OSBPL9: variants seen among roughly 807,000 people sequenced by gnomAD.
OSBPL9 encodes oxysterol-binding protein-related protein 9.
In OSBPL9, 40 loss-of-function variants were observed where a neutral mutation model predicts 106.6. That is an observed-to-expected ratio of 0.38 (90% confidence interval 0.29 to 0.49). The LOEUF (loss-of-function observed/expected upper bound fraction) is 0.49. Ranked by LOEUF, OSBPL9 falls within the 20% of genes least tolerant of loss-of-function variation. The probability of loss-of-function intolerance (pLI) is 0.97; values close to 1 mark genes in which losing one functional copy is unlikely to be tolerated. For missense variants in OSBPL9, 609 were observed against 887.2 expected (o/e 0.69, Z 3.98); for synonymous variants, 269 against 295.4 (o/e 0.91, Z 0.92).
At chr1:51,607,726 A>T (rs1643958684) in intron 2 of OSBPL9, among the ~76,000 whole-genome samples, 1 of 152,150 alleles carries the variant, frequency 6.6e-6, no homozygotes, top group Admixed American at 6.5e-5. Flanking sequence ...GTGAATCCAT[A>T]CGGGTTTGCA....
At chr1:51,596,308 T>C (rs1178823694) in intron 1 of OSBPL9, among the ~76,000 whole-genome samples, 1 of 131,838 alleles carries the variant, frequency 7.6e-6, no homozygotes, top group African/African-American at 2.9e-5. Flanking sequence ...ATGCCTGTAA[T>C]CCCAGCACTT....
At position 51,787,394 on chromosome 1, in the gene OSBPL9, T is replaced by A; in HGVS notation, c.2042T>A (p.Ile681Asn). 1 of 1,614,000 alleles carries A rather than the reference T, an allele frequency of 6.2e-7. No individual in the cohort carries two copies. The highest frequency in any genetic ancestry group is 2.2e-5 in the East Asian group (1 of 44,880). ...ACTTTCAACTTAAAAATCAGAGACA[T>A]TGATGCAGCAACTGAAGCAAAGCAC... ...DVTFNLKIRD[I>N]DAATEAKHRL... is the part of the protein sequence containing the mutation. The change falls in exon 23 of 24, where the codon ATT becomes AAT. Residue 681 changes from isoleucine (I) to asparagine (N), a missense_variant. This residue lies in a region of OSBPL9 where 132 missense variants were observed against 158.1 expected (regional missense o/e 0.83). Coordinates refer to ENST00000428468, the MANE Select transcript of OSBPL9 (RefSeq NM_024586.6).
intron 3 of OSBPL9, among the ~76,000 whole-genome samples, chr1:51,712,319 G>A (rs996369614): frequency 6.6e-6 from 1 of 152,230 alleles, no homozygotes; most frequent in East Asian, 1.9e-4. Flanking sequence ...GGAGAATCAG[G>A]CAGGGAGGTT....
intron 1 of OSBPL9, among the ~76,000 whole-genome samples, chr1:51,638,679 G>A (rs1457379703): frequency 6.6e-6 from 1 of 152,046 alleles, no homozygotes; most frequent in Admixed American, 6.6e-5. Flanking sequence ...TGACCAGCCT[G>A]GGCAACATGG....
intron 1 of OSBPL9, among the ~76,000 whole-genome samples, chr1:51,579,802 C>G (rs995423215): frequency 2.6e-5 from 4 of 151,144 alleles, no homozygotes; most frequent in Non-Finnish European, 4.4e-5. Context: ...CTGCAGTGAG[C>G]CATGATTGTG....
the OSBPL9 span, among the ~76,000 whole-genome samples, chr1:51,531,408 T>A: frequency 6.6e-6 from 1 of 152,224 alleles, no homozygotes; most frequent in Non-Finnish European, 1.5e-5. Context: ...CCAGATATGA[T>A]GATGGCTTGG....
intron 3 of OSBPL9, among the ~76,000 whole-genome samples, chr1:51,701,949 G>C (rs1345025758): frequency 1.3e-5 from 2 of 152,082 alleles, no homozygotes; most frequent in African/African-American, 4.8e-5. Flanking sequence ...TTTCCAGCTT[G>C]ATCCATGTCC....
At chr1:51,600,372 C>T (rs886478664) in intron 2 of OSBPL9, among the ~76,000 whole-genome samples, 1 of 152,074 alleles carries the variant, frequency 6.6e-6, no homozygotes, top group African/African-American at 2.4e-5. Context: ...TTCATTGAGG[C>T]CATATCATGA....
intron 2 of OSBPL9, among the ~76,000 whole-genome samples, chr1:51,656,932 T>C (rs1570847767): frequency 6.6e-6 from 1 of 152,024 alleles, no homozygotes; most frequent in South Asian, 2.1e-4. Flanking sequence ...CCTAACCCAG[T>C]CTCCCAAAGC....
intron 1 of OSBPL9, among the ~76,000 whole-genome samples, chr1:51,581,166 C>T (rs1025670195): frequency 6.6e-6 from 1 of 151,182 alleles, no homozygotes; most frequent in Non-Finnish European, 1.5e-5. Context: ...CTTGAGCAAT[C>T]TGCCTGCCTT....
rs888175602 is a variant in OSBPL9, at chr1:51,784,415, C to G, written c.1689-27C>G. 9 of 1,613,756 alleles carry G rather than the reference C, an allele frequency of 5.6e-6. No homozygotes were observed. The East Asian group carries it at 1.6e-4, about 28-fold the overall frequency. On this transcript the variant is annotated intron_variant, in intron 19 of 23. Transcript: ENST00000428468. ...CCCCCTCTTCCTCTTAACTGTCAAC[C>G]TTACCTAAAAACTTTTGATTTTGCA...
chr1:51,621,745 C>G (rs1285011162), intron 1 of OSBPL9, among the ~76,000 whole-genome samples: 1 of 151,980 alleles, frequency 6.6e-6, no homozygotes, highest in African/African-American at 2.4e-5. Context: ...TTTTTCTTGG[C>G]CATTTATTTG....
At chr1:51,712,422 A>G (rs907720749) in intron 3 of OSBPL9, among the ~76,000 whole-genome samples, 4 of 151,998 alleles carry the variant, frequency 2.6e-5, no homozygotes, top group African/African-American at 9.7e-5. Flanking sequence ...GGAGAGGGAG[A>G]GGGAGAGGGA....
At chr1:51,782,924 A>G (rs1266273643) in intron 17 of OSBPL9, among the ~76,000 whole-genome samples, 1 of 152,234 alleles carries the variant, frequency 6.6e-6, no homozygotes, top group Non-Finnish European at 1.5e-5. Context: ...TTTGTGCTGT[A>G]GAGACCTCAG....
At chr1:51,773,848 A>G (rs1291065729) in intron 14 of OSBPL9, among the ~76,000 whole-genome samples, 6 of 152,228 alleles carry the variant, frequency 3.9e-5, no homozygotes, top group African/African-American at 1.4e-4. Flanking sequence ...GTGGAGCCCA[A>G]CACACTTACT....
Position 51,787,847 on chromosome 1 carries a change from AAACAATCTTCCTTT to A in OSBPL9, c.*59_*72del. On this transcript the variant is annotated 3_prime_UTR_variant, in exon 24 of 24. Coordinates refer to ENST00000428468, the MANE Select transcript of OSBPL9 (RefSeq NM_024586.6). ...AGGGCAGTAGGCATAATTCAGCAAC[AAACAATCTTCCTTT>A]GGGAGAAACCTGTTCATTCCAATCT... 1 of 1,439,496 alleles carries A rather than the reference AAACAATCTTCCTTT, an allele frequency of 6.9e-7. No individual in the cohort carries two copies. The highest frequency in any genetic ancestry group is 9.8e-7 in the Non-Finnish European group (1 of 1,023,628). The allele number at this position is 1,439,496 out of a possible 1,614,324, so 89.2% of individuals were successfully genotyped here. A position where few individuals can be genotyped will look rare whatever the true frequency, so the allele number is the denominator to read the frequency against.
chr1:51,571,869 C>T, the OSBPL9 span, among the ~76,000 whole-genome samples: 1 of 152,114 alleles, frequency 6.6e-6, no homozygotes, highest in Non-Finnish European at 1.5e-5. Flanking sequence ...TCTCTCTGAG[C>T]CTCTTTTGTA....
chr1:51,564,741 C>G, the OSBPL9 span, among the ~76,000 whole-genome samples: 1 of 152,170 alleles, frequency 6.6e-6, no homozygotes, highest in Non-Finnish European at 1.5e-5. Flanking sequence ...GCATCCTATC[C>G]TGGGGGCTAT....
intron 3 of OSBPL9, among the ~76,000 whole-genome samples, chr1:51,688,354 A>C (rs558728415): frequency 5.3e-5 from 8 of 152,312 alleles, no homozygotes; most frequent in Non-Finnish European, 1.0e-4. Flanking sequence ...TTCTTGGGCC[A>C]GGCATGGTAG....
Sources: gnomAD v4.1 joint callset for allele counts (sites outside exome capture counted in the v4.1 genomes callset) on GRCh38, gnomAD v4.1.1 for gene constraint, gnomAD v4.1.1 regional missense constraint, MANE v1.5 for transcripts, NCBI Gene and HGNC (gene_info 2026-07-23, HGNC 2026-07-21) for gene names.